The following MRPS6 variants were observed in gnomAD, a reference collection of about 807,000 sequenced individuals.
MRPS6 encodes the protein mitochondrial ribosomal protein S6, also known as small ribosomal subunit protein bS6m.
A neutral mutation model predicts 13.1 loss-of-function variants in MRPS6; 6 were observed. The observed-to-expected ratio is 0.46, with a 90% CI of 0.25 to 0.91. The LOEUF (loss-of-function observed/expected upper bound fraction) is 0.91, where lower values mean the gene tolerates loss of function less well. Among genes scored for constraint, MRPS6 ranks in the 40% least tolerant of loss-of-function variants. The pLI, the probability that MRPS6 is intolerant of heterozygous loss-of-function variation, is 0.18. For synonymous variants in MRPS6, 61 were observed against 56.5 expected (o/e 1.08, Z -0.36); for missense variants, 164 against 155.6 (o/e 1.05, Z -0.29).
Position 34,097,624 on chromosome 21 carries a change from T to C in MRPS6, c.45+23879T>C. The C allele has an allele frequency of 5.1e-6, 6 of 1,177,324 alleles. 1 individual carries two copies. In the South Asian group the frequency reaches 1.7e-4, roughly 33 times the overall value. 72.9% of individuals were successfully genotyped at this position (1,177,324 alleles called of 1,614,324 possible). On this transcript the variant is annotated intron_variant, in intron 1 of 2. Coordinates refer to ENST00000399312, the MANE Select transcript of MRPS6 (RefSeq NM_032476.4). ...TACCAAAGTAAGAAGAGACCAATTA[T>C]TCTCACAGAGCACTTAGAGCAGAAT... is the stretch of plus-strand genomic sequence containing the variant.
chr21:34,100,224 T>G (rs1235656597), intron 1 of MRPS6: 6 of 1,000,262 alleles, frequency 6.0e-6, no homozygotes, highest in Non-Finnish European at 7.2e-6. Context: ...TATCCCCAGT[T>G]CTTAGACTTT....
Position 34,142,653 on chromosome 21 carries a change from A to G in MRPS6, c.*53A>G. On this transcript the variant is annotated 3_prime_UTR_variant, in exon 3 of 3. Coordinates refer to ENST00000399312, the MANE Select transcript of MRPS6 (RefSeq NM_032476.4). ...TGTAATTCCTTCACATTTGGGCAGCATGGACGAGAAGGAAGAATTTGCAAG... is the reference window on the plus strand; with the variant it reads ...TGTAATTCCTTCACATTTGGGCAGCGTGGACGAGAAGGAAGAATTTGCAAG... 6.7e-7 allele frequency: 1 copy of G among 1,489,006 alleles called. No homozygotes were observed. The highest frequency in any genetic ancestry group is 8.9e-7 in the Non-Finnish European group (1 of 1,124,482). The allele number at this position is 1,489,006 out of a possible 1,614,324, so 92.2% of individuals were successfully genotyped here.
At position 34,096,851 on chromosome 21, in the gene MRPS6, C is replaced by T. The variant is rs1472358881; in HGVS notation, c.45+23106C>T. 2 of 1,614,030 alleles carry T rather than the reference C, an allele frequency of 1.2e-6. No individual in the cohort carries two copies. The highest frequency in any genetic ancestry group is 2.2e-5 in the East Asian group (1 of 44,878). On this transcript the variant is annotated intron_variant, in intron 1 of 2. Transcript: ENST00000399312. The surrounding 1 kb of genome is among the most constrained non-coding windows in gnomAD (Gnocchi z 5.9). ...CCACCACCTTTTGGTCTAAGAAGAA[C>T]CTGGTGGTGAAGGAGAACTGCTCCC... is the stretch of plus-strand genomic sequence containing the variant.
intron 1 of MRPS6, chr21:34,095,164 T>C (rs765762880): frequency 5.0e-6 from 7 of 1,405,530 alleles, no homozygotes; most frequent in Non-Finnish European, 6.4e-6. Context: ...TGGACACTTC[T>C]GTCATTGGAG....
intron 2 of MRPS6, among the ~76,000 whole-genome samples, chr21:34,125,783 C>T (rs547296720): frequency 8.5e-5 from 13 of 152,298 alleles, no homozygotes; most frequent in Non-Finnish European, 1.9e-4. Context: ...TTAACTTTTG[C>T]CTTTAAAATA....
chr21:34,076,129 C>T (rs755853269), intron 1 of MRPS6, among the ~76,000 whole-genome samples: 1 of 152,124 alleles, frequency 6.6e-6, no homozygotes, highest in Non-Finnish European at 1.5e-5. Flanking sequence ...CTGTGTTAGG[C>T]AACTTTAACA....
At chr21:34,114,546 A>G (rs1014576346) in intron 1 of MRPS6, among the ~76,000 whole-genome samples, 2 of 152,154 alleles carry the variant, frequency 1.3e-5, no homozygotes, top group Admixed American at 1.3e-4. Flanking sequence ...GAATTGAAAT[A>G]TCTGAGGGTA....
At chr21:34,075,071 T>C (rs1272870392) in intron 1 of MRPS6, among the ~76,000 whole-genome samples, 3 of 152,248 alleles carry the variant, frequency 2.0e-5, no homozygotes, top group African/African-American at 7.2e-5. Flanking sequence ...CCAGCATATG[T>C]AACTCCGAAA....
chr21:34,140,984 T>C (rs1205588801), intron 2 of MRPS6, among the ~76,000 whole-genome samples: 1 of 152,252 alleles, frequency 6.6e-6, no homozygotes, highest in Non-Finnish European at 1.5e-5. Flanking sequence ...GGTCACTTGG[T>C]AAATTTACTT....
chr21:34,107,257 A>G (rs1979517905), intron 1 of MRPS6, among the ~76,000 whole-genome samples: 3 of 152,216 alleles, frequency 2.0e-5, no homozygotes, highest in African/African-American at 4.8e-5. Flanking sequence ...AAAGTAATAC[A>G]GGCCAATCAT....
chr21:34,097,819 A>G (rs1219671638), intron 1 of MRPS6: 7 of 999,016 alleles, frequency 7.0e-6, no homozygotes, highest in Non-Finnish European at 8.4e-6. Context: ...TCAGTTATGT[A>G]CTGAAAATCG....
At chr21:34,091,768 T>C (rs1188256331) in intron 1 of MRPS6, among the ~76,000 whole-genome samples, 2 of 152,182 alleles carry the variant, frequency 1.3e-5, no homozygotes, top group Non-Finnish European at 2.9e-5. Context: ...TCAAAGCACC[T>C]TTGTGTTCAA....
intron 1 of MRPS6, chr21:34,102,113 C>T (rs1979264197): frequency 5.0e-6 from 5 of 1,000,024 alleles, no homozygotes; most frequent in Non-Finnish European, 4.8e-6. Flanking sequence ...TTTCTTCTGT[C>T]AAGGTCACTT....
intron 2 of MRPS6, chr21:34,136,013 C>A: frequency 3.5e-6 from 1 of 285,152 alleles, no homozygotes. Context: ...CGTCCACTTC[C>A]CAAAGAGCTT....
intron 2 of MRPS6, among the ~76,000 whole-genome samples, chr21:34,140,626 T>C (rs1283795309): frequency 1.3e-5 from 2 of 152,242 alleles, no homozygotes; most frequent in Non-Finnish European, 2.9e-5. Flanking sequence ...ATTTTCTGTA[T>C]AAGTAGTTCT....
intron 1 of MRPS6, among the ~76,000 whole-genome samples, chr21:34,079,499 G>T (rs1182235706): frequency 6.6e-6 from 1 of 151,108 alleles, no homozygotes; most frequent in Non-Finnish European, 1.5e-5. Flanking sequence ...GCAGTGGCAC[G>T]ATCTCGGCTC....
intron 1 of MRPS6, chr21:34,103,479 G>A (rs1979340098): frequency 1.0e-6 from 1 of 998,642 alleles, no homozygotes; most frequent in Admixed American, 6.2e-5. Flanking sequence ...TCTTAATTTT[G>A]TTGTGTTTCC....
chr21:34,117,058 G>A (rs1004546257), intron 1 of MRPS6, among the ~76,000 whole-genome samples: 2 of 152,164 alleles, frequency 1.3e-5, no homozygotes, highest in Admixed American at 1.3e-4. Flanking sequence ...TAGCTGTGGA[G>A]TTAAAGGTGT....
chr21:34,110,707 G>A (rs1569421010), intron 1 of MRPS6, among the ~76,000 whole-genome samples: 1 of 152,134 alleles, frequency 6.6e-6, no homozygotes, highest in Non-Finnish European at 1.5e-5. Context: ...TCCTTCCAGT[G>A]TATGGTCATG....
Sources: allele counts gnomAD v4.1 joint callset (sites outside exome capture counted in the v4.1 genomes callset), GRCh38; gene constraint gnomAD v4.1.1; non-coding constraint Gnocchi (gnomAD v3.1); transcripts MANE v1.5; gene names NCBI Gene and HGNC (gene_info 2026-07-23, HGNC 2026-07-21).